NUP107: variants seen among roughly 807,000 people sequenced by gnomAD.
The protein encoded by NUP107 is nucleoporin 107.
In NUP107, 101 loss-of-function variants were observed where a neutral mutation model predicts 141.0. That is an observed-to-expected ratio of 0.72 (90% CI 0.61 to 0.84). The LOEUF (loss-of-function observed/expected upper bound fraction) is 0.84, where lower values mean the gene tolerates loss of function less well. NUP107 is among the 40% of genes least tolerant of loss of function. NUP107 has a pLI of 0.00. For missense variants in NUP107, 941 were observed against 1,102.7 expected, an observed-to-expected ratio of 0.85 and a Z score of 2.08; for synonymous variants, 319 against 363.9, an observed-to-expected ratio of 0.88 and a Z score of 1.41.
At chr12:68,715,262 G>T (rs1421519363) in intron 11 of NUP107, among the ~76,000 whole-genome samples, 1 of 152,194 alleles carries the variant, frequency 6.6e-6, no homozygotes, top group Non-Finnish European at 1.5e-5. Context: ...TTGGGTGGCC[G>T]AGGTGGGTGG....
intron 8 of NUP107, among the ~76,000 whole-genome samples, chr12:68,704,515 G>A (rs919417985): frequency 8.0e-5 from 12 of 150,616 alleles, no homozygotes; most frequent in Middle Eastern, 3.5e-3. Flanking sequence ...GTGCAGTGGC[G>A]TGATCTCAGC....
intron 26 of NUP107, among the ~76,000 whole-genome samples, chr12:68,740,614 C>G (rs1359492121): frequency 6.6e-6 from 1 of 152,014 alleles, no homozygotes; most frequent in Non-Finnish European, 1.5e-5. Flanking sequence ...AATATAGCCT[C>G]TCACATGAAG....
rs1877265769 is a variant in NUP107 at position 68,719,574 on chromosome 12, A to G, written c.1175-4A>G. On this transcript the variant is annotated splice_region_variant and splice_polypyrimidine_tract_variant and intron_variant, in intron 13 of 27. Transcript: ENST00000229179. ...ACCAGAAATTTTCTTTTGCTATTTT[A>G]TAGGAACAGAATTAGAACCTGTTGA... 6.2e-7 allele frequency: 1 copy of G among 1,607,874 alleles called. No homozygotes were observed. The highest frequency in any genetic ancestry group is 8.5e-7 in the Non-Finnish European group (1 of 1,176,562).
At position 68,719,527 on chromosome 12, in the gene NUP107, T is replaced by C. The variant is rs752869136; in HGVS notation, c.1175-51T>C. 5 of 1,563,916 alleles carry C rather than the reference T, an allele frequency of 3.2e-6. No individual in the cohort carries two copies. In the East Asian group the frequency reaches 6.7e-5, roughly 21 times the overall value. ...CTATAGCTTCTCTTTTTAGAAAGAA[T>C]TGTAATAAGGTCTTATTTTAAACCA... On this transcript the variant is annotated intron_variant, in intron 13 of 27. Coordinates refer to ENST00000229179, the MANE Select transcript of NUP107 (RefSeq NM_020401.4).
intron 3 of NUP107, 101 bp from the exon 4 acceptor site, chr12:68,690,530 G>T: frequency 6.8e-7 from 1 of 1,471,580 alleles, no homozygotes. Context: ...CTAAATAATG[G>T]AAAACTGAAA....
chr12:68,724,580 C>G (rs904958662), intron 17 of NUP107, among the ~76,000 whole-genome samples: 1 of 151,862 alleles, frequency 6.6e-6, no homozygotes, highest in Non-Finnish European at 1.5e-5. Flanking sequence ...AGTTTGAGAC[C>G]GGCATGGACA....
chr12:68,701,440 G>T (rs1335509204), intron 7 of NUP107, among the ~76,000 whole-genome samples: 1 of 152,116 alleles, frequency 6.6e-6, no homozygotes, highest in Non-Finnish European at 1.5e-5. Context: ...CCAGTACTTT[G>T]GGAGGCCAAG....
Position 68,722,541 on chromosome 12 carries a change from A to G in NUP107, c.1506+389A>G, listed in dbSNP as rs932391865. 3.3e-5 allele frequency among the ~76,000 whole-genome samples: 5 copies of G among 152,294 alleles called. 1 individual carries two copies. The highest frequency in any genetic ancestry group is 4.1e-4 in the South Asian group (2 of 4,832). ...TAACAATAAAATAATTTTAGAATGT[A>G]TAAATAAAACCTTTATAGTAATTTC... is the stretch of plus-strand genomic sequence containing the variant. On this transcript the variant is annotated intron_variant, in intron 17 of 27. Transcript: ENST00000229179.
chr12:68,737,085 C>T lies in NUP107; in HGVS notation c.2502+1741C>T, dbSNP rs944094945. On this transcript the variant is annotated intron_variant, in intron 26 of 27. Coordinates refer to ENST00000229179, the MANE Select transcript of NUP107 (RefSeq NM_020401.4). ...CTTCCACAGGTTCCTCTGGCAAAACCTTTCTCATCTGATTCATGCTGATTC... is the reference window on the plus strand; with the variant it reads ...CTTCCACAGGTTCCTCTGGCAAAACTTTTCTCATCTGATTCATGCTGATTC... 2.0e-5 allele frequency among the ~76,000 whole-genome samples: 3 copies of T among 152,292 alleles called. No individual in the cohort carries two copies. The South Asian group carries it at 6.2e-4, about 32-fold the overall frequency.
At chr12:68,698,188 A>T (rs1056442306) in intron 6 of NUP107, among the ~76,000 whole-genome samples, 2 of 152,082 alleles carry the variant, frequency 1.3e-5, no homozygotes, top group South Asian at 2.1e-4. Flanking sequence ...AGGCTGAGGC[A>T]GGAGGATCAC....
chr12:68,722,055 C>G (rs368324370), intron 16 of NUP107, 49 bp from the exon 17 acceptor site: 18 of 1,609,746 alleles, frequency 1.1e-5, no homozygotes, highest in Non-Finnish European at 1.5e-5. Context: ...GTTTTACACC[C>G]CTTTTTCATA....
In NUP107 at chr12:68,734,736, T is replaced by G; in HGVS notation, c.2291T>G (p.Phe764Cys). The change falls in exon 25 of 28, where the codon TTT becomes TGT. Residue 764 changes from phenylalanine (F) to cysteine (C), a missense_variant. Phe to Cys is a radical substitution (Grantham distance 205). Transcript: ENST00000229179. ...LEAHETFNEWFKHMNSVPQKP... is the reference protein window; with the variant it reads ...LEAHETFNEWCKHMNSVPQKP... ...GCCCATGAAACCTTTAATGAGTGGT[T>G]TAAGCATATGAATTCAGTTCCACAA... is the stretch of plus-strand genomic sequence containing the variant. 1 of 1,613,074 alleles carries G rather than the reference T, an allele frequency of 6.2e-7. No individual in the cohort carries two copies. The highest frequency in any genetic ancestry group is 8.5e-7 in the Non-Finnish European group (1 of 1,179,514).
chr12:68,738,553 C>T (rs532006218), intron 26 of NUP107, among the ~76,000 whole-genome samples: 1 of 152,190 alleles, frequency 6.6e-6, no homozygotes, highest in Non-Finnish European at 1.5e-5. Context: ...ATTTCAGCCC[C>T]ACTTACTTGC....
intron 5 of NUP107, among the ~76,000 whole-genome samples, chr12:68,695,315 T>C (rs1875997972): frequency 1.3e-5 from 2 of 152,214 alleles, no homozygotes; most frequent in South Asian, 2.1e-4. Flanking sequence ...GAAATATTTG[T>C]ACATGCATGT....
intron 26 of NUP107, among the ~76,000 whole-genome samples, chr12:68,739,504 G>T (rs558828059): frequency 8.5e-5 from 13 of 152,314 alleles, no homozygotes; most frequent in African/African-American, 1.2e-4. Context: ...ATCAACTCTT[G>T]CTATCAACAC....
chr12:68,709,782 G>A (rs916113050), intron 9 of NUP107, among the ~76,000 whole-genome samples: 2 of 151,944 alleles, frequency 1.3e-5, no homozygotes, highest in Non-Finnish European at 2.9e-5. Context: ...CCAGCTACTT[G>A]GGAGGCTGAG....
intron 3 of NUP107, 132 bp from the exon 4 acceptor site, chr12:68,690,499 A>C: frequency 9.0e-7 from 1 of 1,109,364 alleles, no homozygotes; most frequent in Non-Finnish European, 1.3e-6. Context: ...TTAACATTTA[A>C]AGTATTTATT....
chr12:68,722,718 A>G (rs1164625712), intron 17 of NUP107, among the ~76,000 whole-genome samples: 2 of 152,148 alleles, frequency 1.3e-5, no homozygotes, highest in Non-Finnish European at 2.9e-5. Context: ...TACTACATAT[A>G]TTACTCTACA....
In NUP107 at chr12:68,743,627, G is replaced by C. The variant is rs1297171002; in HGVS notation, c.*1165G>C. 6.6e-6 allele frequency: 1 copy of C among 152,206 alleles called. No homozygotes were observed. Among genetic ancestry groups the C allele is most frequent in the Non-Finnish European group, 1.5e-5 (1 of 68,036 alleles). The allele number at this position is 152,206 out of a possible 1,614,324, so 9.4% of individuals were successfully genotyped here. On this transcript the variant is annotated 3_prime_UTR_variant, in exon 28 of 28. Transcript: ENST00000229179. Reference sequence around the variant, plus strand: ...ACCAACAAATACACCAAATAGGCTAGAGTGTAGGGCTTATAAACAGGAGAC... The same window carrying C: ...ACCAACAAATACACCAAATAGGCTACAGTGTAGGGCTTATAAACAGGAGAC...
Sources: gnomAD v4.1 joint callset for allele counts (sites outside exome capture counted in the v4.1 genomes callset) on GRCh38, gnomAD v4.1.1 for gene constraint, MANE v1.5 for transcripts, NCBI Gene and HGNC (gene_info 2026-07-23, HGNC 2026-07-21) for gene names.